RIPOR2: variants seen among roughly 807,000 people sequenced by gnomAD.
RIPOR2 encodes rho family-interacting cell polarization regulator 2.
Under a neutral mutation model 114.5 loss-of-function variants are expected in RIPOR2, and 39 were observed. That is an observed-to-expected ratio of 0.34 (90% CI 0.26 to 0.44). RIPOR2 has a LOEUF of 0.44. Ranked by LOEUF, RIPOR2 falls within the 20% of genes least tolerant of loss-of-function variation. RIPOR2 has a pLI of 1.00. For missense variants in RIPOR2, 1,007 were observed against 1,255.1 expected (o/e 0.80, Z 2.99); for synonymous variants, 445 against 484.4 (o/e 0.92, Z 1.07).
At chr6:24,882,027 C>T (rs1445916057) in intron 1 of RIPOR2, among the ~76,000 whole-genome samples, 1 of 152,172 alleles carries the variant, frequency 6.6e-6, no homozygotes, top group Non-Finnish European at 1.5e-5. Flanking sequence ...AGGAATCAAT[C>T]TTGGAGGGCT....
intron 1 of RIPOR2, among the ~76,000 whole-genome samples, chr6:24,890,827 A>T (rs1199416048): frequency 6.1e-5 from 8 of 131,058 alleles, no homozygotes; most frequent in Non-Finnish European, 9.6e-5. Context: ...GCGAATTTTT[A>T]AAATTGTTTG....
rs557529016 is a variant in RIPOR2 at position 24,825,222 on chromosome 6, T to C, written c.2868+4A>G. On this transcript the variant is annotated splice_donor_region_variant and intron_variant, in intron 19 of 21. Transcript: ENST00000643898. ...GGCTTGATGGCCATGGTTTAGTGTC[T>C]TACCTTTTCCCTGAAATGCTGATTT... The C allele has an allele frequency of 2.6e-6, 4 of 1,549,332 alleles. No homozygotes were observed. Among genetic ancestry groups the C allele is most frequent in the African/African-American group, 1.4e-5 (1 of 73,124 alleles).
At chr6:24,912,344 A>G (rs1769698572) in intron 1 of RIPOR2, among the ~76,000 whole-genome samples, 1 of 151,526 alleles carries the variant, frequency 6.6e-6, no homozygotes, top group Non-Finnish European at 1.5e-5. Flanking sequence ...TGCCAACCCC[A>G]CCCTGCAACT....
chr6:24,891,509 C>T (rs1181988969), intron 1 of RIPOR2, among the ~76,000 whole-genome samples: 5 of 135,476 alleles, frequency 3.7e-5, no homozygotes, highest in East Asian at 2.0e-4. Context: ...ATGACAGTAA[C>T]GAGATAAAAA....
intron 1 of RIPOR2, among the ~76,000 whole-genome samples, chr6:25,003,446 C>T (rs747430636): frequency 1.2e-4 from 18 of 146,596 alleles, no homozygotes; most frequent in African/African-American, 3.3e-4. Flanking sequence ...TTCTTCTTTT[C>T]GAGACAGGAT....
At chr6:24,872,289 T>C (rs1198626118) in intron 4 of RIPOR2, among the ~76,000 whole-genome samples, 1 of 152,364 alleles carries the variant, frequency 6.6e-6, no homozygotes, top group African/African-American at 2.4e-5. Context: ...GTTACTCCTT[T>C]GAGCCTCTTT....
rs1463175897 is a variant in RIPOR2 at position 24,875,566 on chromosome 6, G to T, written c.188+125C>A. 3 of 832,356 alleles carry T rather than the reference G, an allele frequency of 3.6e-6. No individual in the cohort carries two copies. In the East Asian group the frequency reaches 8.1e-5, roughly 22 times the overall value. The allele number at this position is 832,356 out of a possible 1,614,324, so 51.6% of individuals were successfully genotyped here. ...TTTAGTACATCCTTTCCATGAAAAA[G>T]ATTAAAATGGGGAGGAGGCCGGGGG... On this transcript the variant is annotated intron_variant, in intron 2 of 21. Transcript: ENST00000643898.
At chr6:25,006,592 A>C (rs1775571339) in intron 1 of RIPOR2, among the ~76,000 whole-genome samples, 1 of 152,112 alleles carries the variant, frequency 6.6e-6, no homozygotes, top group Non-Finnish European at 1.5e-5. Context: ...TTTTTTGAAG[A>C]GTTCATCCCC....
intron 1 of RIPOR2, among the ~76,000 whole-genome samples, chr6:24,933,739 A>T (rs1771563382): frequency 6.6e-6 from 1 of 152,192 alleles, no homozygotes; most frequent in Non-Finnish European, 1.5e-5. Flanking sequence ...GTTAGCTTGT[A>T]TGGGTACCAC....
chr6:24,835,647 C>T (rs1761048338), intron 15 of RIPOR2, 56 bp downstream of exon 15: 2 of 1,499,620 alleles, frequency 1.3e-6, no homozygotes, highest in East Asian at 2.5e-5. Flanking sequence ...TGAAAGCACA[C>T]TTCCTGGTAT....
Position 24,875,723 on chromosome 6 carries a change from C to T in RIPOR2, c.156G>A (p.Ala52=), listed in dbSNP as rs1296906372. Residue 52 remains alanine, a synonymous_variant, in exon 2 of 22, where the codon GCG becomes GCA. Coordinates refer to ENST00000643898, the MANE Select transcript of RIPOR2 (RefSeq NM_001286445.3). ...PNGIIRSQSF[A]GFSGLQERRS... ...GCCTTTCCTGGAGGCCGCTGAAACC[C>T]GCAAAGGACTGGCTTCTAATGATCC... 7 of 1,613,600 alleles carry T rather than the reference C, an allele frequency of 4.3e-6. No homozygotes were observed. The highest frequency in any genetic ancestry group is 1.1e-5 in the South Asian group (1 of 90,958).
At chr6:24,984,331 G>A (rs1774442250) in intron 1 of RIPOR2, among the ~76,000 whole-genome samples, 1 of 152,098 alleles carries the variant, frequency 6.6e-6, no homozygotes, top group South Asian at 2.1e-4. Flanking sequence ...GGGATAGGGG[G>A]TGAAGAGCCA....
intron 1 of RIPOR2, among the ~76,000 whole-genome samples, chr6:24,928,215 G>A (rs1287994760): frequency 6.6e-6 from 1 of 152,194 alleles, no homozygotes; most frequent in Non-Finnish European, 1.5e-5. Context: ...ACCACAAGTT[G>A]AAGGAGAAGA....
intron 1 of RIPOR2, among the ~76,000 whole-genome samples, chr6:24,969,594 T>C (rs1303059688): frequency 1.3e-5 from 2 of 152,168 alleles, no homozygotes; most frequent in African/African-American, 4.8e-5. Context: ...AGGGGCCCTC[T>C]AAGCCACTAG....
chr6:24,831,519 GAC>G (rs1414774283), intron 16 of RIPOR2, among the ~76,000 whole-genome samples: 2 of 152,076 alleles, frequency 1.3e-5, no homozygotes, highest in Admixed American at 1.3e-4. Context: ...GAGAGGAGAG[GAC>G]ACAAGTCACT....
At chr6:25,015,822 G>A (rs1375093241) in intron 1 of RIPOR2, 1 of 150,168 alleles carries the variant, frequency 6.7e-6, no homozygotes, top group East Asian at 2.0e-4. Context: ...AGGAGGAGGA[G>A]GTCTTTCATG....
intron 1 of RIPOR2, among the ~76,000 whole-genome samples, chr6:25,002,886 G>A (rs929106380): frequency 6.6e-6 from 1 of 152,222 alleles, no homozygotes; most frequent in Non-Finnish European, 1.5e-5. Context: ...GGAATGTGTG[G>A]TTCGTCCGAA....
intron 1 of RIPOR2, among the ~76,000 whole-genome samples, chr6:24,993,360 T>C (rs1328884037): frequency 6.6e-6 from 1 of 152,232 alleles, no homozygotes; most frequent in Non-Finnish European, 1.5e-5. Flanking sequence ...TTCTCCCCTT[T>C]CTTGGTTTGA....
At chr6:25,029,211 T>C (rs1218292870) in intron 1 of RIPOR2, among the ~76,000 whole-genome samples, 1 of 151,402 alleles carries the variant, frequency 6.6e-6, no homozygotes, top group African/African-American at 2.4e-5. Context: ...TGGCTTGAAC[T>C]CGGGAGGTGG....
Sources: gnomAD v4.1 joint callset for allele counts (sites outside exome capture counted in the v4.1 genomes callset) on GRCh38, gnomAD v4.1.1 for gene constraint, MANE v1.5 for transcripts, NCBI Gene and HGNC (gene_info 2026-07-23, HGNC 2026-07-21) for gene names.